Variants in CD80 observed in about 807,000 individuals in gnomAD.
CD80 encodes the protein CD80 molecule, also known as T-lymphocyte activation antigen CD80.
In CD80, 13 loss-of-function variants were observed where a neutral mutation model predicts 27.1. The ratio of observed to expected loss-of-function variants is 0.48; its 90% CI spans 0.31 to 0.76. The LOEUF is 0.76. Among genes scored for constraint, CD80 ranks in the 30% least tolerant of loss-of-function variants. The pLI is 0.04. For synonymous variants in CD80, 125 were observed against 125.5 expected, an observed-to-expected ratio of 1.00 and a Z score of 0.03; for missense variants, 277 against 347.9, an observed-to-expected ratio of 0.80 and a Z score of 1.62.
intron 4 of CD80, among the ~76,000 whole-genome samples, chr3:119,530,758 C>T (rs1324850010): frequency 1.3e-5 from 2 of 152,158 alleles, no homozygotes; most frequent in Non-Finnish European, 2.9e-5. Flanking sequence ...TATAGCAGCT[C>T]ATTTTCTGGT....
At chr3:119,529,780 C>A (rs2082099687) in intron 5 of CD80, 62 bp downstream of exon 5, 1 of 1,156,926 alleles carries the variant, frequency 8.6e-7, no homozygotes, top group Non-Finnish European at 1.3e-6. Flanking sequence ...AGATGCCGAA[C>A]CATGGTAATA....
In CD80 at chr3:119,544,824, C is replaced by T; in HGVS notation, c.144G>A (p.Leu48=). Residue 48 remains leucine, a synonymous_variant, in exon 3 of 7, where the codon CTG becomes CTA. Transcript: ENST00000264246. The part of the protein sequence containing the change: ...VTKEVKEVAT[L]SCGHNVSVEE... ...CAACAGAAACATTGTGACCACAGGACAGCGTTGCCACTTCTTTCACTTCCT... is the reference window on the plus strand; with the variant it reads ...CAACAGAAACATTGTGACCACAGGATAGCGTTGCCACTTCTTTCACTTCCT... The T allele has an allele frequency of 6.2e-7, 1 of 1,614,172 alleles. No homozygotes were observed. The highest frequency in any genetic ancestry group is 8.5e-7 in the Non-Finnish European group (1 of 1,180,034).
At position 119,544,659 on chromosome 3, in the gene CD80, G is replaced by T; in HGVS notation, c.309C>A (p.Ile103=). The part of the protein sequence containing the change: ...FDITNNLSIV[I]LALRPSDEGT... ...CCTCGTCAGATGGGCGCAGAGCCAG[G>T]ATCACAATGGAGAGGTTATTAGTGA... Residue 103 remains isoleucine, a synonymous_variant, in exon 3 of 7, where the codon ATC becomes ATA. Coordinates refer to ENST00000264246, the MANE Select transcript of CD80 (RefSeq NM_005191.4). 6.2e-7 allele frequency: 1 copy of T among 1,614,132 alleles called. No homozygotes were observed. Among genetic ancestry groups the T allele is most frequent in the Non-Finnish European group, 8.5e-7 (1 of 1,179,996 alleles).
Position 119,546,075 on chromosome 3 carries a change from C to G in CD80, c.101-1208G>C, listed in dbSNP as rs148964227. On this transcript the variant is annotated intron_variant, in intron 2 of 6. Coordinates refer to ENST00000264246, the MANE Select transcript of CD80 (RefSeq NM_005191.4). The stretch of plus-strand genomic sequence containing the variant: ...AATCACTAAAATCAGACTCATGGAC[C>G]AATCATTATAACATAACCTATCCCC... 7.4e-3 allele frequency among the ~76,000 whole-genome samples: 1,133 copies of G among 152,210 alleles called. 14 individuals carry two copies. Among genetic ancestry groups the G allele is most frequent in the African/African-American group, 0.026 (1,070 of 41,512 alleles).
chr3:119,558,536 G>A (rs918924406), intron 1 of CD80, among the ~76,000 whole-genome samples: 1 of 152,174 alleles, frequency 6.6e-6, no homozygotes, highest in African/African-American at 2.4e-5. Flanking sequence ...GCTGAGGTGG[G>A]CGGATTACTT....
intron 2 of CD80, among the ~76,000 whole-genome samples, chr3:119,552,618 T>C (rs1265581604): frequency 2.6e-5 from 4 of 151,642 alleles, no homozygotes. Flanking sequence ...GGTGGATTGC[T>C]TGAGCCCAGG....
intron 4 of CD80, among the ~76,000 whole-genome samples, chr3:119,534,368 G>A (rs2107741064): frequency 7.6e-6 from 1 of 132,384 alleles, no homozygotes; most frequent in Non-Finnish European, 1.6e-5. Flanking sequence ...GTGAAACTCT[G>A]TCTCAAAAAA....
chr3:119,557,834 G>T lies in CD80; in HGVS notation c.-106C>A. The T allele has an allele frequency of 4.9e-6, 3 of 618,298 alleles. No homozygotes were observed. The highest frequency in any genetic ancestry group is 8.4e-6 in the Non-Finnish European group (3 of 357,624). The allele number at this position is 618,298 out of a possible 1,614,324, so 38.3% of individuals were successfully genotyped here. A position where few individuals can be genotyped will look rare whatever the true frequency, so the allele number is the denominator to read the frequency against. On this transcript the variant is annotated 5_prime_UTR_variant, in exon 2 of 7. Transcript: ENST00000264246. ...AGGCAGGGCTGATGACAATCCAATT[G>T]CTCACGTAGAAGACCCTCCAGTGAT...
Position 119,537,298 on chromosome 3 carries a change from TCTC to T in CD80, c.536_538del (p.Gly179del). ...TGTTGTGTTGATGGCATTTAATTCT[TCTC>T]CATTTTCCAACCAGGAGAGGTGAGG... On this transcript the variant is annotated inframe_deletion, in exon 4 of 7. Coordinates refer to ENST00000264246, the MANE Select transcript of CD80 (RefSeq NM_005191.4). 1 of 1,614,144 alleles carries T rather than the reference TCTC, an allele frequency of 6.2e-7. No individual in the cohort carries two copies. The highest frequency in any genetic ancestry group is 1.7e-5 in the Admixed American group (1 of 60,022).
chr3:119,530,704 G>A (rs1163138244), intron 4 of CD80, among the ~76,000 whole-genome samples: 1 of 152,310 alleles, frequency 6.6e-6, no homozygotes, highest in East Asian at 1.9e-4. Flanking sequence ...CAGCTGCTTT[G>A]AGGAATCATT....
chr3:119,529,980 A>G, intron 4 of CD80, 43 bp from the exon 5 acceptor site: 1 of 1,319,616 alleles, frequency 7.6e-7, no homozygotes. Flanking sequence ...TGTATTTCCT[A>G]CTGCCTGATA....
rs183692358 is a variant in CD80, at chr3:119,536,314, T to C, written c.700+823A>G. ...ATTATCACACCTTGCACAGTGACTT[T>C]ATTTTTTAAATTTATTTTTTAAATT... is the stretch of plus-strand genomic sequence containing the variant. On this transcript the variant is annotated intron_variant, in intron 4 of 6. Coordinates refer to ENST00000264246, the MANE Select transcript of CD80 (RefSeq NM_005191.4). Among the ~76,000 whole-genome samples the C allele has an allele frequency of 2.6e-5, 4 of 152,144 alleles. No homozygotes were observed. In the East Asian group the frequency reaches 7.7e-4, roughly 29 times the overall value.
rs986750074 is a variant in CD80 at position 119,529,831 on chromosome 3, A to G, written c.796+11T>C. 3.3e-6 allele frequency: 5 copies of G among 1,535,976 alleles called. No individual in the cohort carries two copies. The African/African-American group carries it at 6.8e-5, about 21-fold the overall frequency. Reference sequence around the variant, plus strand: ...GAATTGAGATCAGGATGATGGTATGATAGTACTTACAGTAGGTCAGGCAGC... The same window carrying G: ...GAATTGAGATCAGGATGATGGTATGGTAGTACTTACAGTAGGTCAGGCAGC... On this transcript the variant is annotated intron_variant, in intron 5 of 6. Transcript: ENST00000264246.
At chr3:119,536,303 C>T (rs1250611152) in intron 4 of CD80, among the ~76,000 whole-genome samples, 1 of 151,910 alleles carries the variant, frequency 6.6e-6, no homozygotes, top group African/African-American at 2.4e-5. Flanking sequence ...TCACACCTTG[C>T]ACAGTGACTT....
intron 4 of CD80, among the ~76,000 whole-genome samples, chr3:119,531,526 A>G (rs2082111436): frequency 1.3e-5 from 2 of 152,082 alleles, no homozygotes; most frequent in Non-Finnish European, 2.9e-5. Flanking sequence ...TTTCCTGCAA[A>G]CCATTGAGTC....
intron 2 of CD80, among the ~76,000 whole-genome samples, chr3:119,554,991 G>A (rs1427951967): frequency 1.3e-5 from 2 of 152,110 alleles, no homozygotes; most frequent in Non-Finnish European, 2.9e-5. Flanking sequence ...CTTTACTACT[G>A]AAACTCAAAG....
intron 2 of CD80, among the ~76,000 whole-genome samples, chr3:119,546,805 G>A (rs866139494): frequency 1.2e-4 from 16 of 134,276 alleles, no homozygotes; most frequent in African/African-American, 1.6e-4. Context: ...CCACAATCAC[G>A]TGATGCAACA....
At chr3:119,548,841 C>A in intron 2 of CD80, among the ~76,000 whole-genome samples, 1 of 152,046 alleles carries the variant, frequency 6.6e-6, no homozygotes, top group Non-Finnish European at 1.5e-5. Context: ...TTGAGACCAG[C>A]CTGGTCAACA....
chr3:119,557,659 C>G lies in CD80; in HGVS notation c.70G>C (p.Val24Leu), dbSNP rs553548247. 8.7e-6 allele frequency: 14 copies of G among 1,613,726 alleles called. No homozygotes were observed. The highest frequency in any genetic ancestry group is 1.7e-5 in the Admixed American group (1 of 59,990). ...CAGAAGTGAGAAAGACCAGCCAGCA[C>G]CAAGAGCTGAAAGAAATTGAGGTAT... is the stretch of plus-strand genomic sequence containing the variant. ...CPYLNFFQLLVLAGLSHFCSG... is the reference protein window; with the variant it reads ...CPYLNFFQLLLLAGLSHFCSG... Residue 24 changes from valine to leucine, a missense_variant, in exon 2 of 7, where the codon GTG (valine) becomes CTG (leucine). By Grantham distance (32) the Val-to-Leu change is conservative. Coordinates refer to ENST00000264246, the MANE Select transcript of CD80 (RefSeq NM_005191.4).
Sources: gnomAD v4.1 joint callset for allele counts (sites outside exome capture counted in the v4.1 genomes callset) on GRCh38, gnomAD v4.1.1 for gene constraint, MANE v1.5 for transcripts, NCBI Gene and HGNC (gene_info 2026-07-23, HGNC 2026-07-21) for gene names.